Variants in CSGALNACT1 observed in about 807,000 individuals in gnomAD.
CSGALNACT1 encodes beta4GalNAcT-1.
In CSGALNACT1, 52 loss-of-function variants were observed where a neutral mutation model predicts 51.0. The observed-to-expected ratio is 1.02, with a 90% CI of 0.82 to 1.29. The LOEUF (loss-of-function observed/expected upper bound fraction) is 1.29. Among genes scored for constraint, CSGALNACT1 ranks in the 50% most tolerant of loss-of-function variants. The probability of loss-of-function intolerance (pLI) is 0.00; values close to 1 mark genes in which losing one functional copy is unlikely to be tolerated. For missense variants in CSGALNACT1, 935 were observed against 679.2 expected, an observed-to-expected ratio of 1.38 and a Z score of -4.19; for synonymous variants, 341 against 254.4, an observed-to-expected ratio of 1.34 and a Z score of -3.24.
At chr8:19,641,602 T>A (rs1263013864) in intron 1 of CSGALNACT1, among the ~76,000 whole-genome samples, 2 of 152,194 alleles carry the variant, frequency 1.3e-5, no homozygotes, top group Non-Finnish European at 2.9e-5. Context: ...TCAACATACC[T>A]TTTTAAATGT....
chr8:19,624,347 C>T (rs1374435270), intron 1 of CSGALNACT1, among the ~76,000 whole-genome samples: 1 of 152,140 alleles, frequency 6.6e-6, no homozygotes, highest in African/African-American at 2.4e-5. Flanking sequence ...GTGAAGATCT[C>T]ATCATGCTTT....
At chr8:19,680,406 A>G (rs2060507902) in intron 1 of CSGALNACT1, among the ~76,000 whole-genome samples, 1 of 151,650 alleles carries the variant, frequency 6.6e-6, no homozygotes, top group Non-Finnish European at 1.5e-5. Context: ...AAATATAAAA[A>G]TCAGCCGGGT....
chr8:19,513,436 C>CTCTCTCTCTATATATATATATA, intron 3 of CSGALNACT1, among the ~76,000 whole-genome samples: 155 of 81,848 alleles, frequency 1.9e-3, no homozygotes, highest in Non-Finnish European at 2.5e-3. Context: ...CTCTCTCTCT[C>CTCTCTCTCTATATATATATATA]TATATATATA....
intron 1 of CSGALNACT1, among the ~76,000 whole-genome samples, chr8:19,620,980 A>G (rs1435433895): frequency 6.6e-6 from 1 of 152,190 alleles, no homozygotes; most frequent in African/African-American, 2.4e-5. Flanking sequence ...TTCTGAAAAA[A>G]TAGAAACTTA....
At chr8:19,576,956 AC>A (rs1215609311) in intron 3 of CSGALNACT1, among the ~76,000 whole-genome samples, 3 of 151,266 alleles carry the variant, frequency 2.0e-5, no homozygotes, top group South Asian at 2.1e-4. Context: ...CAGCTCGCTT[AC>A]CCCCCTCTTA....
intron 6 of CSGALNACT1, among the ~76,000 whole-genome samples, chr8:19,428,617 A>C (rs993728645): frequency 1.3e-5 from 2 of 152,306 alleles, no homozygotes; most frequent in South Asian, 2.1e-4. Flanking sequence ...AAGCCTGGGT[A>C]AGCTGCCCTA....
At chr8:19,522,386 G>A (rs543975541) in intron 3 of CSGALNACT1, among the ~76,000 whole-genome samples, 94 of 152,046 alleles carry the variant, frequency 6.2e-4, no homozygotes, top group Non-Finnish European at 1.2e-3. Flanking sequence ...AATAACTCAC[G>A]TTCTTACCTC....
intron 1 of CSGALNACT1, among the ~76,000 whole-genome samples, chr8:19,630,238 G>A (rs927251780): frequency 2.3e-5 from 3 of 128,230 alleles, no homozygotes; most frequent in African/African-American, 3.0e-5. Flanking sequence ...GTGTGTGTGT[G>A]TGTGTATGTG....
At chr8:19,498,632 CAG>C (rs1446645763) in intron 4 of CSGALNACT1, among the ~76,000 whole-genome samples, 1 of 151,598 alleles carries the variant, frequency 6.6e-6, no homozygotes, top group African/African-American at 2.4e-5. Flanking sequence ...TCAACTCACA[CAG>C]AACACATGTC....
chr8:19,603,904 C>T (rs986575447), upstream of CSGALNACT1, among the ~76,000 whole-genome samples: 14 of 152,274 alleles, frequency 9.2e-5, no homozygotes, highest in African/African-American at 3.4e-4. Context: ...TTTCTTACTC[C>T]AGCAACTTGA....
chr8:19,646,835 T>C (rs989620943), intron 1 of CSGALNACT1, among the ~76,000 whole-genome samples: 2 of 152,214 alleles, frequency 1.3e-5, no homozygotes, highest in Admixed American at 1.3e-4. Context: ...TCTATTGCGT[T>C]GACCTGCATT....
intron 4 of CSGALNACT1, among the ~76,000 whole-genome samples, chr8:19,462,114 G>A (rs34221121): frequency 0.36 from 54,583 of 151,928 alleles, 11,075 homozygotes; most frequent in East Asian, 0.84. Flanking sequence ...CACAGGCGGT[G>A]TATCTGCAAA....
chr8:19,558,593 C>G (rs993398992), intron 3 of CSGALNACT1, among the ~76,000 whole-genome samples: 5 of 152,134 alleles, frequency 3.3e-5, no homozygotes, highest in South Asian at 2.1e-4. Context: ...TGGGTTTAAT[C>G]TAGATGTTTA....
At chr8:19,487,980 C>A (rs1208630413) in intron 4 of CSGALNACT1, among the ~76,000 whole-genome samples, 5 of 152,052 alleles carry the variant, frequency 3.3e-5, no homozygotes, top group Admixed American at 3.3e-4. Context: ...CCAAGAGACA[C>A]CCTCTCACCT....
At chr8:19,596,535 GAGAA>G (rs1333856047) in intron 2 of CSGALNACT1, among the ~76,000 whole-genome samples, 8 of 151,096 alleles carry the variant, frequency 5.3e-5, no homozygotes, top group Non-Finnish European at 1.0e-4. Flanking sequence ...AAAAACAAGT[GAGAA>G]AGAGAGTAAT....
At chr8:19,420,567 G>A (rs1264840935) in intron 6 of CSGALNACT1, 49 bp from the exon 6 acceptor site, 1 of 1,582,462 alleles carries the variant, frequency 6.3e-7, no homozygotes, top group Admixed American at 1.7e-5. Context: ...CATGTTGGCA[G>A]CATCCCCTGA....
intron 3 of CSGALNACT1, among the ~76,000 whole-genome samples, chr8:19,550,441 G>C (rs868048346): frequency 4.6e-5 from 7 of 152,116 alleles, no homozygotes; most frequent in Non-Finnish European, 1.0e-4. Context: ...CTGTCATCAT[G>C]CTTCTCATTT....
chr8:19,704,580 C>T (rs1307030702), intron 1 of CSGALNACT1, among the ~76,000 whole-genome samples: 2 of 152,146 alleles, frequency 1.3e-5, no homozygotes, highest in East Asian at 3.9e-4. Context: ...TGGGTATATA[C>T]ACAAGGAAAT....
chr8:19,709,381 G>A (rs1314526189), intron 1 of CSGALNACT1, among the ~76,000 whole-genome samples: 1 of 152,188 alleles, frequency 6.6e-6, no homozygotes, highest in African/African-American at 2.4e-5. Context: ...AGTGAAGGGA[G>A]GAAGAGACAA....
Sources: allele counts gnomAD v4.1 joint callset (sites outside exome capture counted in the v4.1 genomes callset), GRCh38; gene constraint gnomAD v4.1.1; transcripts MANE v1.5; gene names NCBI Gene and HGNC (gene_info 2026-07-23, HGNC 2026-07-21).